MDGA2: variants seen among roughly 807,000 people sequenced by gnomAD.
MDGA2 encodes the protein MAM domain containing glycosylphosphatidylinositol anchor 2.
A neutral mutation model predicts 117.8 loss-of-function variants in MDGA2; 40 were observed. The ratio of observed to expected loss-of-function variants is 0.34; its 90% CI spans 0.26 to 0.44. The LOEUF is 0.44. Ranked by LOEUF, MDGA2 falls within the 20% of genes least tolerant of loss-of-function variation. The pLI, the probability that MDGA2 is intolerant of heterozygous loss-of-function variation, is 1.00. For synonymous variants in MDGA2, 452 were observed against 439.0 expected (o/e 1.03, Z -0.37); for missense variants, 1,123 against 1,250.6 (o/e 0.90, Z 1.54).
At chr14:47,161,927 CTTTTTTTTTTTTTTTTTTTTTTTTTT>C (rs71112489) in intron 3 of MDGA2, among the ~76,000 whole-genome samples, 1 of 52,510 alleles carries the variant, frequency 1.9e-5, no homozygotes, top group Admixed American at 2.9e-4. Context: ...TCCCCAGATC[CTTTTTTTTTTTTTTTTTTTTTTTTTT>C]TTTTTTTTTT....
Position 47,674,595 on chromosome 14 carries a change from C to A in MDGA2, c.202G>T (p.Val68Leu). 1 of 1,551,278 alleles carries A rather than the reference C, an allele frequency of 6.4e-7. No individual in the cohort carries two copies. Among genetic ancestry groups the A allele is most frequent in the African/African-American group, 1.4e-5 (1 of 73,130 alleles). The change falls in exon 1 of 17, where the codon GTG (valine) becomes TTG (leucine). Residue 68 changes from valine (V) to leucine (L), a missense_variant. Physicochemically the swap from Val to Leu is conservative, Grantham distance 32. Coordinates refer to ENST00000399232, the MANE Select transcript of MDGA2 (RefSeq NM_001113498.3). ...AGACCGTACAGTAAATCCATCTTCA[C>A]GTGAACATGAACATATCCAGCCCAG... Reference protein sequence around the residue: ...TPWAGYVHVHVKMDLLYGLVW... With the variant: ...TPWAGYVHVHLKMDLLYGLVW...
At chr14:46,944,754 T>A (rs1432211335) in intron 9 of MDGA2, among the ~76,000 whole-genome samples, 1 of 152,032 alleles carries the variant, frequency 6.6e-6, no homozygotes, top group Non-Finnish European at 1.5e-5. Flanking sequence ...TTTCAATTAT[T>A]GTGCAGTTTT....
chr14:47,260,869 C>T (rs1476215978), intron 2 of MDGA2, among the ~76,000 whole-genome samples: 3 of 151,956 alleles, frequency 2.0e-5, no homozygotes. Context: ...CATAGCATTA[C>T]TAAAGAATGC....
intron 4 of MDGA2, 82 bp from the exon 5 acceptor site, chr14:47,131,928 T>C: frequency 8.9e-7 from 1 of 1,117,810 alleles, no homozygotes; most frequent in Non-Finnish European, 1.2e-6. Flanking sequence ...CACATTACAT[T>C]GTATTAAATC....
intron 1 of MDGA2, among the ~76,000 whole-genome samples, chr14:47,314,972 G>A (rs999382717): frequency 1.3e-5 from 2 of 152,034 alleles, no homozygotes; most frequent in African/African-American, 2.4e-5. Flanking sequence ...TGTCTAGAGG[G>A]ACGTTAACTA....
chr14:47,172,490 C>T (rs755266904), intron 3 of MDGA2, among the ~76,000 whole-genome samples: 2 of 152,074 alleles, frequency 1.3e-5, no homozygotes, highest in African/African-American at 2.4e-5. Flanking sequence ...TCGCGGTTCA[C>T]GAAAATCTGC....
At chr14:47,067,483 G>C (rs1014165430) in intron 6 of MDGA2, among the ~76,000 whole-genome samples, 2 of 152,122 alleles carry the variant, frequency 1.3e-5, no homozygotes, top group Admixed American at 1.3e-4. Context: ...AAAAGCTAAA[G>C]GGCTTGGGAA....
chr14:47,536,973 T>C (rs1037992984), intron 1 of MDGA2, among the ~76,000 whole-genome samples: 1 of 152,154 alleles, frequency 6.6e-6, no homozygotes, highest in Non-Finnish European at 1.5e-5. Flanking sequence ...TTTCTGTCTG[T>C]TCAAAAGTAA....
chr14:47,096,346 C>G (rs566673227), intron 6 of MDGA2, among the ~76,000 whole-genome samples: 137 of 152,076 alleles, frequency 9.0e-4, no homozygotes, highest in African/African-American at 3.2e-3. Context: ...AACACCGTAT[C>G]ATATGACTAT....
intron 2 of MDGA2, among the ~76,000 whole-genome samples, chr14:47,242,369 C>G (rs1344867479): frequency 1.3e-5 from 2 of 152,064 alleles, no homozygotes; most frequent in East Asian, 3.9e-4. Context: ...CAGCCCCCCA[C>G]TGTACTGTGG....
intron 6 of MDGA2, among the ~76,000 whole-genome samples, chr14:47,065,066 T>C (rs1182695534): frequency 6.6e-6 from 1 of 152,130 alleles, no homozygotes; most frequent in Admixed American, 6.6e-5. Flanking sequence ...AGATTTGGCT[T>C]AATGTATCAT....
chr14:46,894,521 G>T (rs929419175), intron 10 of MDGA2, among the ~76,000 whole-genome samples: 4 of 152,068 alleles, frequency 2.6e-5, no homozygotes, highest in African/African-American at 9.7e-5. Context: ...TAGGACAAGG[G>T]TTAGTCATAC....
intron 3 of MDGA2, among the ~76,000 whole-genome samples, chr14:47,165,903 C>G (rs1332000451): frequency 6.6e-6 from 1 of 151,948 alleles, no homozygotes; most frequent in Non-Finnish European, 1.5e-5. Flanking sequence ...TTTGTTCTAC[C>G]TTGATTTGCA....
At chr14:47,178,192 G>GTGTTTTAAAGTAACTGACATGGCA (rs933663262) in intron 3 of MDGA2, among the ~76,000 whole-genome samples, 2 of 152,112 alleles carry the variant, frequency 1.3e-5, no homozygotes, top group African/African-American at 2.4e-5. Context: ...AAGGACCATG[G>GTGTTTTAAAGTAACTGACATGGCA]TGTTTTAAAG....
chr14:47,577,592 A>T (rs1235175920), intron 1 of MDGA2, among the ~76,000 whole-genome samples: 2 of 152,236 alleles, frequency 1.3e-5, no homozygotes, highest in Non-Finnish European at 2.9e-5. Flanking sequence ...ACAAATTTAC[A>T]AGAAAAAACA....
intron 1 of MDGA2, among the ~76,000 whole-genome samples, chr14:47,389,251 T>C (rs144221418): frequency 4.9e-4 from 75 of 152,216 alleles, no homozygotes; most frequent in African/African-American, 1.7e-3. Context: ...AAAAAATAAA[T>C]GTTATACAAA....
chr14:47,201,464 G>A (rs1240694953), intron 3 of MDGA2, among the ~76,000 whole-genome samples: 1 of 151,996 alleles, frequency 6.6e-6, no homozygotes, highest in Non-Finnish European at 1.5e-5. Flanking sequence ...TCTCTGTCTT[G>A]CCTGGTGCAC....
intron 1 of MDGA2, among the ~76,000 whole-genome samples, chr14:47,419,858 T>C (rs1326703785): frequency 6.6e-6 from 1 of 152,100 alleles, no homozygotes; most frequent in Non-Finnish European, 1.5e-5. Flanking sequence ...GGTCTTTTTA[T>C]TGAGGTAGTC....
intron 1 of MDGA2, among the ~76,000 whole-genome samples, chr14:47,389,960 G>A (rs1443099446): frequency 6.6e-6 from 1 of 152,118 alleles, no homozygotes. Flanking sequence ...ATGCAGGCTG[G>A]CTCCTTGAAT....
Sources: gnomAD v4.1 joint callset for allele counts (sites outside exome capture counted in the v4.1 genomes callset) on GRCh38, gnomAD v4.1.1 for gene constraint, MANE v1.5 for transcripts, NCBI Gene and HGNC (gene_info 2026-07-23, HGNC 2026-07-21) for gene names.